Variants in PTPRC observed in about 807,000 individuals in gnomAD.
PTPRC encodes protein tyrosine phosphatase receptor type C.
Under a neutral mutation model 155.9 loss-of-function variants are expected in PTPRC, and 44 were observed. The ratio of observed to expected loss-of-function variants is 0.28; its 90% CI spans 0.22 to 0.36. The LOEUF (loss-of-function observed/expected upper bound fraction) is 0.36, where lower values mean the gene tolerates loss of function less well. PTPRC is among the 10% of genes least tolerant of loss of function. The pLI, the probability that PTPRC is intolerant of heterozygous loss-of-function variation, is 1.00. For missense variants in PTPRC, 1,401 were observed against 1,564.6 expected, an observed-to-expected ratio of 0.90 and a Z score of 1.76; for synonymous variants, 525 against 533.1, an observed-to-expected ratio of 0.98 and a Z score of 0.21.
At chr1:198,663,987 A>G (rs1035142116) in intron 2 of PTPRC, among the ~76,000 whole-genome samples, 2 of 152,140 alleles carry the variant, frequency 1.3e-5, no homozygotes, top group East Asian at 1.9e-4. Context: ...ATGTTTCCAA[A>G]CTATACTTTT....
Position 198,741,903 on chromosome 1 carries a change from A to T in PTPRC, c.2438A>T (p.His813Leu), listed in dbSNP as rs534640068. 1 of 1,612,128 alleles carries T rather than the reference A, an allele frequency of 6.2e-7. No individual in the cohort carries two copies. The highest frequency in any genetic ancestry group is 1.1e-5 in the South Asian group (1 of 91,042). ...KEKATGREVT[H>L]IQFTSWPDHG... ...AAAGCAACTGGAAGAGAGGTGACTCACATTCAGTTCACCAGCTGGCCAGAC... is the reference window on the plus strand; with the variant it reads ...AAAGCAACTGGAAGAGAGGTGACTCTCATTCAGTTCACCAGCTGGCCAGAC... The change falls in exon 24 of 33, where the codon CAC (histidine) becomes CTC (leucine). Residue 813 changes from histidine to leucine, a missense_variant. Coordinates refer to ENST00000442510, the MANE Select transcript of PTPRC (RefSeq NM_002838.5).
At position 198,639,283 on chromosome 1, in the gene PTPRC, G is replaced by A; in HGVS notation, c.15G>A (p.Leu5=). ...GACTTCCAGATATGACCATGTATTTGTGGCTTAAACTCTTGGCATTTGGCT... is the reference window on the plus strand; with the variant it reads ...GACTTCCAGATATGACCATGTATTTATGGCTTAAACTCTTGGCATTTGGCT... MTMY[L]WLKLLAFGFA... Residue 5 remains leucine (L), a synonymous_variant, in exon 2 of 33, where the codon TTG becomes TTA. Transcript: ENST00000442510. 6.2e-7 allele frequency: 1 copy of A among 1,613,410 alleles called. No individual in the cohort carries two copies. Among genetic ancestry groups the A allele is most frequent in the Non-Finnish European group, 8.5e-7 (1 of 1,179,504 alleles).
chr1:198,709,314 C>A (rs983426796), intron 10 of PTPRC, among the ~76,000 whole-genome samples: 7 of 151,858 alleles, frequency 4.6e-5, no homozygotes, highest in Non-Finnish European at 1.0e-4. Flanking sequence ...TCAGCATCCC[C>A]AGAGAAAAAT....
chr1:198,729,171 GGTAA>G lies in PTPRC; in HGVS notation c.1864+4_1864+7del, dbSNP rs773117955. ...TGAACAGCAGGAGCTTGTTGAAAGG[GGTAA>G]GTATGTATATTTTTGCTGATGACTA... On this transcript the variant is annotated splice_donor_variant and splice_donor_region_variant and intron_variant, in intron 17 of 32. Transcript: ENST00000442510. LOFTEE classifies it high-confidence loss of function. 75 of 1,608,386 alleles carry G rather than the reference GGTAA, an allele frequency of 4.7e-5. 1 individual carries two copies. Among genetic ancestry groups the G allele is most frequent in the Admixed American group, 2.8e-4 (17 of 59,790 alleles).
chr1:198,704,596 A>G (rs2102406139), intron 8 of PTPRC, 98 bp downstream of exon 8: 4 of 1,603,396 alleles, frequency 2.5e-6, no homozygotes, highest in Non-Finnish European at 2.6e-6. Context: ...CTAGTAAGCT[A>G]AACTCACTGG....
chr1:198,713,476 G>C (rs969637295), intron 12 of PTPRC, among the ~76,000 whole-genome samples: 1 of 152,050 alleles, frequency 6.6e-6, no homozygotes, highest in African/African-American at 2.4e-5. Context: ...TAATAATACA[G>C]ACAAAATGTT....
At chr1:198,662,897 A>G (rs1664058633) in intron 2 of PTPRC, among the ~76,000 whole-genome samples, 1 of 152,188 alleles carries the variant, frequency 6.6e-6, no homozygotes, top group Non-Finnish European at 1.5e-5. Context: ...TCACGCTTTC[A>G]TTCTGAACTA....
At chr1:198,688,471 C>A (rs952765174) in intron 2 of PTPRC, among the ~76,000 whole-genome samples, 17 of 152,100 alleles carry the variant, frequency 1.1e-4, no homozygotes, top group Non-Finnish European at 7.4e-5. Flanking sequence ...AACATCTAAA[C>A]AAAAGGTCTG....
chr1:198,668,997 G>C (rs1312428472), intron 2 of PTPRC, among the ~76,000 whole-genome samples: 1 of 152,174 alleles, frequency 6.6e-6, no homozygotes, highest in Admixed American at 6.5e-5. Flanking sequence ...TCAAACATTT[G>C]AAAGTGATGA....
At chr1:198,747,895 T>C (rs1478952084) in intron 26 of PTPRC, among the ~76,000 whole-genome samples, 3 of 151,874 alleles carry the variant, frequency 2.0e-5, no homozygotes, top group Non-Finnish European at 2.9e-5. Context: ...TACATATATA[T>C]CTTTAGTGCA....
At position 198,708,243 on chromosome 1, in the gene PTPRC, A is replaced by G. The variant is rs745750519; in HGVS notation, c.1015A>G (p.Thr339Ala). The G allele has an allele frequency of 1.2e-6, 2 of 1,607,602 alleles. No individual in the cohort carries two copies. The highest frequency in any genetic ancestry group is 1.7e-6 in the Non-Finnish European group (2 of 1,175,316). Residue 339 changes from threonine (T) to alanine (A), a missense_variant, in exon 10 of 33, where the codon ACC becomes GCC. This residue lies in a region of PTPRC where 867 missense variants were observed against 970.4 expected (regional missense o/e 0.89). Transcript: ENST00000442510. ...ETFTCDTQNITYRFQCGNMIF... is the reference protein window; with the variant it reads ...ETFTCDTQNIAYRFQCGNMIF... Reference sequence around the variant, plus strand: ...CTTTACTTGTGATACACAGAATATTACCTACAGATTTCAGTGTGGTAAGAA... The same window carrying G: ...CTTTACTTGTGATACACAGAATATTGCCTACAGATTTCAGTGTGGTAAGAA...
intron 29 of PTPRC, among the ~76,000 whole-genome samples, chr1:198,750,902 C>T (rs964367429): frequency 6.6e-6 from 1 of 152,020 alleles, no homozygotes; most frequent in Non-Finnish European, 1.5e-5. Flanking sequence ...ATAACAGCTA[C>T]ATTTTCACGC....
At chr1:198,704,818 C>G (rs559025143) in intron 8 of PTPRC, among the ~76,000 whole-genome samples, 1 of 152,152 alleles carries the variant, frequency 6.6e-6, no homozygotes, top group African/African-American at 2.4e-5. Context: ...CTGCAATATA[C>G]CTTTGTAACA....
At chr1:198,715,598 T>C (rs527931334) in intron 12 of PTPRC, among the ~76,000 whole-genome samples, 11 of 152,108 alleles carry the variant, frequency 7.2e-5, no homozygotes, top group African/African-American at 2.4e-4. Context: ...AAGACCACCA[T>C]GATGTTGCTG....
intron 3 of PTPRC, chr1:198,693,099 T>C: frequency 1.0e-6 from 1 of 973,310 alleles, no homozygotes; most frequent in South Asian, 4.8e-5. Context: ...GAAGACAATT[T>C]TGATTTAATA....
chr1:198,665,262 CT>C (rs758524383), intron 2 of PTPRC, among the ~76,000 whole-genome samples: 312 of 139,776 alleles, frequency 2.2e-3, no homozygotes, highest in Non-Finnish European at 2.1e-3. Flanking sequence ...GCTAATTTTT[CT>C]TTTTTTTTTT....
chr1:198,735,025 T>C (rs1263181424), intron 22 of PTPRC, 102 bp from the exon 23 acceptor site: 2 of 1,062,152 alleles, frequency 1.9e-6, no homozygotes, highest in Admixed American at 4.8e-5. Flanking sequence ...GTTTTGAGAA[T>C]TTCAAATGAG....
Position 198,709,718 on chromosome 1 carries a change from A to G in PTPRC, c.1065A>G (p.Lys355=), listed in dbSNP as rs1369132218. Residue 355 remains lysine (K), a synonymous_variant, in exon 11 of 33, where the codon AAA becomes AAG. Transcript: ENST00000442510. The stretch of plus-strand genomic sequence containing the variant: ...TGATATTTGATAATAAAGAAATTAA[A>G]TTAGAAAACCTTGAACCCGAACATG... ...GNMIFDNKEI[K]LENLEPEHEY... is the part of the protein sequence containing the mutation. 3.1e-6 allele frequency: 5 copies of G among 1,597,680 alleles called. No individual in the cohort carries two copies. Among genetic ancestry groups the G allele is most frequent in the Non-Finnish European group, 4.3e-6 (5 of 1,170,664 alleles).
At chr1:198,744,581 G>A (rs140358227) in intron 26 of PTPRC, among the ~76,000 whole-genome samples, 4 of 152,006 alleles carry the variant, frequency 2.6e-5, no homozygotes, top group Admixed American at 1.3e-4. Flanking sequence ...ATCATTAGAA[G>A]AGTTTATGAC....
Sources: gnomAD v4.1 joint callset for allele counts (sites outside exome capture counted in the v4.1 genomes callset) on GRCh38, gnomAD v4.1.1 for gene constraint, gnomAD v4.1.1 regional missense constraint, MANE v1.5 for transcripts, NCBI Gene and HGNC (gene_info 2026-07-23, HGNC 2026-07-21) for gene names.